The following BRIP1 variants were observed in gnomAD, a reference collection of about 807,000 sequenced individuals.
BRIP1 encodes BRCA1 interacting DNA helicase 1.
A neutral mutation model predicts 119.7 loss-of-function variants in BRIP1; 88 were observed. The observed-to-expected ratio is 0.74, with a 90% CI of 0.62 to 0.88. BRIP1 has a LOEUF of 0.88. BRIP1 is among the 40% of genes least tolerant of loss of function. The pLI, the probability that BRIP1 is intolerant of heterozygous loss-of-function variation, is 0.00. For synonymous variants in BRIP1, 443 were observed against 496.5 expected (o/e 0.89, Z 1.43); for missense variants, 1,259 against 1,455.4 (o/e 0.87, Z 2.20).
chr17:61,832,897 A>G lies in BRIP1; in HGVS notation c.627+14204T>C, dbSNP rs2078514410. Among the ~76,000 whole-genome samples the G allele has an allele frequency of 6.6e-6, 1 of 152,246 alleles. No individual in the cohort carries two copies. Among genetic ancestry groups the G allele is most frequent in the South Asian group, 2.1e-4 (1 of 4,834 alleles). On this transcript the variant is annotated intron_variant, in intron 6 of 19. Coordinates refer to ENST00000259008, the MANE Select transcript of BRIP1 (RefSeq NM_032043.3). This position sits in a 1 kb window ranked among gnomAD's most constrained non-coding sequence, Gnocchi z 5.5. ...TCTTTGCTTATAAGACATAGACACT[A>G]AAGTATTTCAGGGTGAGGGAACATC... is the stretch of plus-strand genomic sequence containing the variant.
rs908959795 is a variant in BRIP1 at position 61,743,156 on chromosome 17, T to C, written c.2258-22A>G. 5 of 1,613,206 alleles carry C rather than the reference T, an allele frequency of 3.1e-6. No individual in the cohort carries two copies. In the African/African-American group the frequency reaches 6.7e-5, roughly 22 times the overall value. On this transcript the variant is annotated intron_variant, in intron 15 of 19. Transcript: ENST00000259008. The surrounding 1 kb of genome is among the most constrained non-coding windows in gnomAD (Gnocchi z 4.3). ...CCATCTTAAACAACAGAAAAAAGCATATCCAAAATTCTCAGAAATTGCTTA... is the reference window on the plus strand; with the variant it reads ...CCATCTTAAACAACAGAAAAAAGCACATCCAAAATTCTCAGAAATTGCTTA...
rs534273298 is a variant in BRIP1 at position 61,857,663 on chromosome 17, G to T, written c.206-432C>A. Reference sequence around the variant, plus strand: ...CGCTTGAACCTGGGAGGCAGAGGTAGCAATGAGCAGAGGTCATGCCACTGC... The same window carrying T: ...CGCTTGAACCTGGGAGGCAGAGGTATCAATGAGCAGAGGTCATGCCACTGC... On this transcript the variant is annotated intron_variant, in intron 3 of 19. Coordinates refer to ENST00000259008, the MANE Select transcript of BRIP1 (RefSeq NM_032043.3). This position sits in a 1 kb window ranked among gnomAD's most constrained non-coding sequence, Gnocchi z 5.1. Among the ~76,000 whole-genome samples, 132 of 152,264 alleles carry T rather than the reference G, an allele frequency of 8.7e-4. No individual in the cohort carries two copies. Among genetic ancestry groups the T allele is most frequent in the African/African-American group, 2.9e-3 (122 of 41,546 alleles).
rs1186772142 is a variant in BRIP1 at position 61,689,445 on chromosome 17, G to GCTGACCAATAT, written c.2576-3291_2576-3281dup. 1.3e-5 allele frequency among the ~76,000 whole-genome samples: 2 copies of GCTGACCAATAT among 152,102 alleles called. No individual in the cohort carries two copies. The highest frequency in any genetic ancestry group is 6.5e-5 in the Admixed American group (1 of 15,272). On this transcript the variant is annotated intron_variant, in intron 18 of 19. Coordinates refer to ENST00000259008, the MANE Select transcript of BRIP1 (RefSeq NM_032043.3). This position sits in a 1 kb window ranked among gnomAD's most constrained non-coding sequence, Gnocchi z 4.5. ...GACTTGACTTATGGGGCACCGTCAAGCTGACCAATATACACATTCTGGGAG... is the reference window on the plus strand; with the variant it reads ...GACTTGACTTATGGGGCACCGTCAAGCTGACCAATATCTGACCAATATACACATTCTGGGAG...
rs1253399073 is a variant in BRIP1, at chr17:61,770,581, T to A, written c.2097+5820A>T. ...TAAATCTGTGTTGAGAGACATACAA[T>A]GTGTAAAGATGTAATTTTTATAATA... On this transcript the variant is annotated intron_variant, in intron 14 of 19. Coordinates refer to ENST00000259008, the MANE Select transcript of BRIP1 (RefSeq NM_032043.3). The surrounding 1 kb of genome is among the most constrained non-coding windows in gnomAD (Gnocchi z 4.7). Among the ~76,000 whole-genome samples the A allele has an allele frequency of 6.6e-6, 1 of 152,078 alleles. No individual in the cohort carries two copies.
In BRIP1 at chr17:61,689,060, T is replaced by TATGTTATGTTATGTTATGTTATG. The variant is rs1603278296; in HGVS notation, c.2576-2896_2576-2895insCATAACATAACATAACATAACAT. On this transcript the variant is annotated intron_variant, in intron 18 of 19. Transcript: ENST00000259008. The surrounding 1 kb of genome is among the most constrained non-coding windows in gnomAD (Gnocchi z 4.5). ...TATGTTATGTTATGTTATGTTATTT[T>TATGTTATGTTATGTTATGTTATG]TTTGAGACAGTCTCGCTCTGTCGCC... Among the ~76,000 whole-genome samples, 2 of 152,104 alleles carry TATGTTATGTTATGTTATGTTATG rather than the reference T, an allele frequency of 1.3e-5. No homozygotes were observed. Among genetic ancestry groups the TATGTTATGTTATGTTATGTTATG allele is most frequent in the Non-Finnish European group, 2.9e-5 (2 of 68,024 alleles).
Position 61,713,043 on chromosome 17 carries a change from A to G in BRIP1, c.2492+2908T>C, listed in dbSNP as rs2061804180. ...TCAGTCAGTGTGAAGTGCATATATG[A>G]TAGTGGTCCCATAAGATTATAATGG... is the stretch of plus-strand genomic sequence containing the variant. On this transcript the variant is annotated intron_variant, in intron 17 of 19. Coordinates refer to ENST00000259008, the MANE Select transcript of BRIP1 (RefSeq NM_032043.3). This position sits in a 1 kb window ranked among gnomAD's most constrained non-coding sequence, Gnocchi z 4.9. 6.6e-6 allele frequency among the ~76,000 whole-genome samples: 1 copy of G among 152,222 alleles called. No homozygotes were observed. Among genetic ancestry groups the G allele is most frequent in the African/African-American group, 2.4e-5 (1 of 41,460 alleles).
rs140785996 is a variant in BRIP1, at chr17:61,687,197, G to A, written c.2576-1032C>T. On this transcript the variant is annotated intron_variant, in intron 18 of 19. Coordinates refer to ENST00000259008, the MANE Select transcript of BRIP1 (RefSeq NM_032043.3). The surrounding 1 kb of genome is among the most constrained non-coding windows in gnomAD (Gnocchi z 5.1). The stretch of plus-strand genomic sequence containing the variant: ...CAAGGTTTCAGTGAACTATGATCAC[G>A]TCACTGCACTCCAGCCTGGGCAACA... 2.0e-5 allele frequency among the ~76,000 whole-genome samples: 3 copies of A among 152,146 alleles called. No individual in the cohort carries two copies. The highest frequency in any genetic ancestry group is 2.1e-4 in the South Asian group (1 of 4,820).
chr17:61,839,510 T>C (rs2078627044), intron 6 of BRIP1, among the ~76,000 whole-genome samples: 1 of 152,176 alleles, frequency 6.6e-6, no homozygotes, highest in Non-Finnish European at 1.5e-5. Context: ...CCATATGTTC[T>C]TTGCATTGCA....
In BRIP1 at chr17:61,757,059, TA is replaced by T. The variant is rs2077209781; in HGVS notation, c.2098-12469del. Reference sequence around the variant, plus strand: ...CATTTCATGAGGTACTCATATGTTTTAAATGTTTACTTTCTTTTATTCAGTT... The same window carrying T: ...CATTTCATGAGGTACTCATATGTTTTAATGTTTACTTTCTTTTATTCAGTT... On this transcript the variant is annotated intron_variant, in intron 14 of 19. Coordinates refer to ENST00000259008, the MANE Select transcript of BRIP1 (RefSeq NM_032043.3). This position sits in a 1 kb window ranked among gnomAD's most constrained non-coding sequence, Gnocchi z 4.3. Among the ~76,000 whole-genome samples, 1 of 152,234 alleles carries T rather than the reference TA, an allele frequency of 6.6e-6. No individual in the cohort carries two copies. Among genetic ancestry groups the T allele is most frequent in the Non-Finnish European group, 1.5e-5 (1 of 68,028 alleles).
At position 61,761,422 on chromosome 17, in the gene BRIP1, GAGAA is replaced by G. The variant is rs2077275186; in HGVS notation, c.2097+14975_2097+14978del. Reference sequence around the variant, plus strand: ...AGTCCTTGCCAGAAAAATTTAGAAAGAGAAAGAAATAAAAAGCATCCAAATAGAA... The same window carrying G: ...AGTCCTTGCCAGAAAAATTTAGAAAGAGAAATAAAAAGCATCCAAATAGAA... On this transcript the variant is annotated intron_variant, in intron 14 of 19. Transcript: ENST00000259008. This position sits in a 1 kb window ranked among gnomAD's most constrained non-coding sequence, Gnocchi z 6.4. 6.6e-6 allele frequency among the ~76,000 whole-genome samples: 1 copy of G among 151,774 alleles called. No individual in the cohort carries two copies. Among genetic ancestry groups the G allele is most frequent in the Admixed American group, 6.6e-5 (1 of 15,212 alleles).
rs3034660 is a variant in BRIP1 at position 61,794,870 on chromosome 17, GAAGAA to G, written c.1341-1146_1341-1142del. Among the ~76,000 whole-genome samples, 117,014 of 150,472 alleles carry G rather than the reference GAAGAA, an allele frequency of 0.78. 45,979 individuals are homozygous for G. The highest frequency in any genetic ancestry group is 0.85 in the African/African-American group (34,733 of 41,024). The stretch of plus-strand genomic sequence containing the variant: ...AAAGTATCCAGTCATGGGAGAATCA[GAAGAA>G]AAGAAATATCCAAGCAGAAGGAACA... On this transcript the variant is annotated intron_variant, in intron 9 of 19. Coordinates refer to ENST00000259008, the MANE Select transcript of BRIP1 (RefSeq NM_032043.3). The surrounding 1 kb of genome is among the most constrained non-coding windows in gnomAD (Gnocchi z 4.3).
chr17:61,711,865 C>CT (rs2061780444), intron 17 of BRIP1, among the ~76,000 whole-genome samples: 2 of 145,152 alleles, frequency 1.4e-5, no homozygotes, highest in African/African-American at 5.1e-5. Context: ...AAGACTCTCT[C>CT]AAAAAAAAAA....
At position 61,689,372 on chromosome 17, in the gene BRIP1, A is replaced by G. The variant is rs567436889; in HGVS notation, c.2576-3207T>C. On this transcript the variant is annotated intron_variant, in intron 18 of 19. Coordinates refer to ENST00000259008, the MANE Select transcript of BRIP1 (RefSeq NM_032043.3). This position sits in a 1 kb window ranked among gnomAD's most constrained non-coding sequence, Gnocchi z 4.5. ...TCATCCAGTCAGGGAAGCAAAAAGT[A>G]AAAAACAAAATGGAAAAAAAAAAGT... Among the ~76,000 whole-genome samples the G allele has an allele frequency of 6.6e-6, 1 of 152,234 alleles. No individual in the cohort carries two copies. The highest frequency in any genetic ancestry group is 2.1e-4 in the South Asian group (1 of 4,818).
intron 6 of BRIP1, among the ~76,000 whole-genome samples, chr17:61,812,900 A>G (rs1205225332): frequency 6.6e-6 from 1 of 152,176 alleles, no homozygotes. Context: ...AGCTATAATT[A>G]TAAGTTCAAA....
At chr17:61,833,739 A>G (rs2078528598) in intron 6 of BRIP1, among the ~76,000 whole-genome samples, 1 of 151,840 alleles carries the variant, frequency 6.6e-6, no homozygotes, top group Admixed American at 6.6e-5. Flanking sequence ...CATCCATTCT[A>G]TCATCCTACC....
In BRIP1 at chr17:61,700,832, T is replaced by A. The variant is rs184278567; in HGVS notation, c.2493-7320A>T. ...TACAGGTCTCTGAGATTATGCTAGT[T>A]GTTCTTCATTCTTTTTCTTTCTGTT... is the stretch of plus-strand genomic sequence containing the variant. On this transcript the variant is annotated intron_variant, in intron 17 of 19. Coordinates refer to ENST00000259008, the MANE Select transcript of BRIP1 (RefSeq NM_032043.3). This position sits in a 1 kb window ranked among gnomAD's most constrained non-coding sequence, Gnocchi z 4.1. Among the ~76,000 whole-genome samples the A allele has an allele frequency of 4.6e-5, 7 of 152,320 alleles. No individual in the cohort carries two copies. The East Asian group carries it at 1.3e-3, about 29-fold the overall frequency.
At chr17:61,847,941 T>C (rs1393103581) in intron 5 of BRIP1, among the ~76,000 whole-genome samples, 1 of 152,170 alleles carries the variant, frequency 6.6e-6, no homozygotes, top group Non-Finnish European at 1.5e-5. Flanking sequence ...TATGAATACA[T>C]TTTGTCGGGG....
At chr17:61,750,081 G>C (rs1327891695) in intron 14 of BRIP1, among the ~76,000 whole-genome samples, 8 of 152,176 alleles carry the variant, frequency 5.3e-5, no homozygotes, top group Non-Finnish European at 1.0e-4. Context: ...AATGGCAAGA[G>C]TGGGCATCCT....
At position 61,834,062 on chromosome 17, in the gene BRIP1, A is replaced by T. The variant is rs1347737389; in HGVS notation, c.627+13039T>A. On this transcript the variant is annotated intron_variant, in intron 6 of 19. Coordinates refer to ENST00000259008, the MANE Select transcript of BRIP1 (RefSeq NM_032043.3). This position sits in a 1 kb window ranked among gnomAD's most constrained non-coding sequence, Gnocchi z 4.4. ...CGTTCAAAAAAACTTTATTTATAAA[A>T]GCAGGCAGCAGGCTGTATTCTGCCC... Among the ~76,000 whole-genome samples the T allele has an allele frequency of 6.6e-6, 1 of 152,222 alleles. No homozygotes were observed. The highest frequency in any genetic ancestry group is 2.4e-5 in the African/African-American group (1 of 41,432).
Sources: gnomAD v4.1 joint callset for allele counts (sites outside exome capture counted in the v4.1 genomes callset) on GRCh38, gnomAD v4.1.1 for gene constraint, Gnocchi (gnomAD v3.1) non-coding constraint, MANE v1.5 for transcripts, NCBI Gene and HGNC (gene_info 2026-07-23, HGNC 2026-07-21) for gene names.